The following NAV2 variants were observed in gnomAD, a reference collection of about 807,000 sequenced individuals.
NAV2 encodes helicase, APC down-regulated 1.
Under a neutral mutation model 223.2 loss-of-function variants are expected in NAV2, and 54 were observed. The observed-to-expected ratio is 0.24, with a 90% CI of 0.19 to 0.30. NAV2 has a LOEUF of 0.30. NAV2 is among the 10% of genes least tolerant of loss of function. The pLI, the probability that NAV2 is intolerant of heterozygous loss-of-function variation, is 1.00. For synonymous variants in NAV2, 1,279 were observed against 1,239.3 expected (o/e 1.03, Z -0.67); for missense variants, 2,806 against 3,147.5 (o/e 0.89, Z 2.60).
intron 1 of NAV2, among the ~76,000 whole-genome samples, chr11:19,398,304 T>A (rs1453472601): frequency 6.6e-6 from 1 of 152,142 alleles, no homozygotes; most frequent in Non-Finnish European, 1.5e-5. Flanking sequence ...ACGTACTCAC[T>A]ATTGCTAGGA....
intron 11 of NAV2, among the ~76,000 whole-genome samples, chr11:19,985,433 G>T (rs1340761906): frequency 6.6e-6 from 1 of 152,150 alleles, no homozygotes; most frequent in East Asian, 1.9e-4. Flanking sequence ...TTATATCAGG[G>T]ATGTTAAAAG....
chr11:19,813,170 T>G (rs10833179), intron 1 of NAV2, among the ~76,000 whole-genome samples: 55,465 of 151,964 alleles, frequency 0.36, 10,554 homozygotes, highest in East Asian at 0.52. Flanking sequence ...GGGCAGGCAC[T>G]GTTGTTTTTT....
At chr11:19,809,892 A>G (rs1214953342) in intron 1 of NAV2, among the ~76,000 whole-genome samples, 1 of 152,158 alleles carries the variant, frequency 6.6e-6, no homozygotes, top group Non-Finnish European at 1.5e-5. Flanking sequence ...TTTTCATCCC[A>G]TCCTATCAGG....
At chr11:19,711,678 A>C (rs2049885275), upstream of NAV2, 3 of 152,248 alleles carry the variant, frequency 2.0e-5, no homozygotes, top group Admixed American at 2.0e-4. Context: ...CAAAGAAGAA[A>C]GACAAATAGT....
intron 2 of NAV2, among the ~76,000 whole-genome samples, chr11:19,833,600 T>C (rs192554383): frequency 6.6e-6 from 1 of 152,380 alleles, no homozygotes; most frequent in Admixed American, 6.5e-5. Flanking sequence ...TTTCTGTTGC[T>C]GTATAACAAA....
At chr11:19,563,198 C>G (rs1199425641) in intron 1 of NAV2, among the ~76,000 whole-genome samples, 1 of 152,168 alleles carries the variant, frequency 6.6e-6, no homozygotes, top group Non-Finnish European at 1.5e-5. Flanking sequence ...GATGGACAAA[C>G]CAAGACCAGG....
At chr11:19,778,233 T>C (rs2056442976) in intron 1 of NAV2, 7 of 413,782 alleles carry the variant, frequency 1.7e-5, no homozygotes, top group South Asian at 1.2e-4. Context: ...TGAATTGTTT[T>C]TTTATCGGAT....
chr11:19,479,395 A>T (rs2042213388), intron 1 of NAV2, among the ~76,000 whole-genome samples: 1 of 152,156 alleles, frequency 6.6e-6, no homozygotes, highest in Non-Finnish European at 1.5e-5. Flanking sequence ...TGTTAATAAT[A>T]AGCTGTCATC....
chr11:20,041,950 T>C (rs2056956117), intron 12 of NAV2, among the ~76,000 whole-genome samples: 1 of 152,246 alleles, frequency 6.6e-6, no homozygotes, highest in Admixed American at 6.5e-5. Flanking sequence ...TTTTTCCTTA[T>C]AATAGTCTTC....
chr11:20,006,564 A>G (rs1396556907), intron 11 of NAV2, among the ~76,000 whole-genome samples: 1 of 152,124 alleles, frequency 6.6e-6, no homozygotes, highest in Non-Finnish European at 1.5e-5. Flanking sequence ...AATCCCAGCT[A>G]CTTGAGAGGC....
chr11:19,640,917 G>A (rs2047645173), intron 1 of NAV2, among the ~76,000 whole-genome samples: 1 of 152,196 alleles, frequency 6.6e-6, no homozygotes, highest in South Asian at 2.1e-4. Context: ...TTAACCTGGG[G>A]ACCCAGGACA....
intron 20 of NAV2, among the ~76,000 whole-genome samples, chr11:20,067,524 C>CAA (rs2059123927): frequency 6.6e-6 from 1 of 152,078 alleles, no homozygotes; most frequent in Non-Finnish European, 1.5e-5. Flanking sequence ...GTTGCCCAGG[C>CAA]TAGAGTGCAG....
chr11:19,885,215 G>T (rs2063456160), intron 5 of NAV2, among the ~76,000 whole-genome samples: 1 of 152,204 alleles, frequency 6.6e-6, no homozygotes, highest in African/African-American at 2.4e-5. Context: ...CACAGATGAG[G>T]AAACTAAAAT....
Position 19,933,600 on chromosome 11 carries a change from G to T in NAV2, c.1356G>T (p.Val452=). The change falls in exon 7 of 38, where the codon GTG becomes GTT. Residue 452 remains valine (V), a synonymous_variant. Transcript: ENST00000349880. The surrounding 1 kb of genome is among the most constrained non-coding windows in gnomAD (Gnocchi z 4.3). ...LEAASRMLTT[V]GPASSSPKIA... Reference sequence around the variant, plus strand: ...CCGCCAGTCGCATGCTCACCACCGTGGGCCCTGCTTCCAGCAGCCCCAAGA... The same window carrying T: ...CCGCCAGTCGCATGCTCACCACCGTTGGCCCTGCTTCCAGCAGCCCCAAGA... 1 of 1,613,856 alleles carries T rather than the reference G, an allele frequency of 6.2e-7. No homozygotes were observed. Among genetic ancestry groups the T allele is most frequent in the South Asian group, 1.1e-5 (1 of 91,072 alleles).
intron 31 of NAV2, among the ~76,000 whole-genome samples, chr11:20,099,919 C>G (rs1006792877): frequency 6.6e-6 from 1 of 152,114 alleles, no homozygotes; most frequent in Non-Finnish European, 1.5e-5. Flanking sequence ...ACATCAAGCT[C>G]AGTAGCAGGA....
Position 19,867,910 on chromosome 11 carries a change from A to G in NAV2, c.439-1015A>G, listed in dbSNP as rs562453964. Among the ~76,000 whole-genome samples the G allele has an allele frequency of 2.2e-4, 33 of 152,346 alleles. No individual in the cohort carries two copies. The South Asian group carries it at 6.8e-3, about 32-fold the overall frequency. ...CAAATTAGAGCTCCTAAGTGTAGACACTTTACATTTTCTGTGGCTGTGAAG... is the reference window on the plus strand; with the variant it reads ...CAAATTAGAGCTCCTAAGTGTAGACGCTTTACATTTTCTGTGGCTGTGAAG... On this transcript the variant is annotated intron_variant, in intron 3 of 37. Transcript: ENST00000349880.
intron 1 of NAV2, among the ~76,000 whole-genome samples, chr11:19,467,025 AGAG>A: frequency 1.4e-5 from 2 of 145,814 alleles, no homozygotes; most frequent in South Asian, 4.2e-4. Flanking sequence ...ACACAGAGAG[AGAG>A]AGAGAGAGAG....
Position 20,029,384 on chromosome 11 carries a change from C to T in NAV2, c.2769-6575C>T, listed in dbSNP as rs569272663. ...AAGAAGAAAGCAGCATAGCTAAAAG[C>T]GTTGGTGGGCCCGGGCTTTGGAACT... On this transcript the variant is annotated intron_variant, in intron 11 of 37. Coordinates refer to ENST00000349880, the MANE Select transcript of NAV2 (RefSeq NM_145117.5). Among the ~76,000 whole-genome samples, 458 of 152,270 alleles carry T rather than the reference C, an allele frequency of 3.0e-3. 1 individual carries two copies. The highest frequency in any genetic ancestry group is 0.011 in the African/African-American group (443 of 41,542).
At chr11:19,404,028 G>A (rs1203858290) in intron 1 of NAV2, among the ~76,000 whole-genome samples, 1 of 152,260 alleles carries the variant, frequency 6.6e-6, no homozygotes, top group East Asian at 1.9e-4. Context: ...TGAGTCTGAG[G>A]AGTGAGTGAG....
Sources: gnomAD v4.1 joint callset for allele counts (sites outside exome capture counted in the v4.1 genomes callset) on GRCh38, gnomAD v4.1.1 for gene constraint, Gnocchi (gnomAD v3.1) non-coding constraint, MANE v1.5 for transcripts, NCBI Gene and HGNC (gene_info 2026-07-23, HGNC 2026-07-21) for gene names.